The following POT1 variants were observed in gnomAD, a reference collection of about 807,000 sequenced individuals.
POT1 encodes protection of telomeres protein 1.
A neutral mutation model predicts 78.5 loss-of-function variants in POT1; 47 were observed. The ratio of observed to expected loss-of-function variants is 0.60; its 90% CI spans 0.47 to 0.76. The LOEUF is 0.76. POT1 is among the 30% of genes least tolerant of loss of function. POT1 has a pLI of 0.00. For missense variants in POT1, 646 were observed against 749.9 expected (o/e 0.86, Z 1.62); for synonymous variants, 259 against 260.7 (o/e 0.99, Z 0.06).
chr7:124,847,902 C>T (rs987757107), intron 11 of POT1, among the ~76,000 whole-genome samples: 4 of 152,214 alleles, frequency 2.6e-5, no homozygotes, highest in Non-Finnish European at 4.4e-5. Flanking sequence ...CATAAGCCCA[C>T]ATTTATACTC....
At chr7:124,923,378 A>G (rs925849487) in intron 2 of POT1, among the ~76,000 whole-genome samples, 1 of 151,914 alleles carries the variant, frequency 6.6e-6, no homozygotes, top group Non-Finnish European at 1.5e-5. Context: ...GAAAATACAA[A>G]ATATATTCAA....
intron 2 of POT1, among the ~76,000 whole-genome samples, chr7:124,923,294 T>C (rs1199878050): frequency 6.6e-6 from 1 of 151,666 alleles, no homozygotes; most frequent in Non-Finnish European, 1.5e-5. Context: ...TGTTTATGAA[T>C]GAGAGATTTA....
chr7:124,883,830 T>C (rs970901672), intron 6 of POT1, among the ~76,000 whole-genome samples: 12 of 151,716 alleles, frequency 7.9e-5, no homozygotes, highest in Non-Finnish European at 1.6e-4. Context: ...AATTGAAAAA[T>C]AGATTAAATA....
At chr7:124,913,181 A>G (rs148042016) in intron 3 of POT1, among the ~76,000 whole-genome samples, 6 of 152,298 alleles carry the variant, frequency 3.9e-5, no homozygotes, top group African/African-American at 1.4e-4. Context: ...GGTTCCTCCC[A>G]TGACACATGG....
At chr7:124,926,044 A>G (rs1243176804) in intron 2 of POT1, among the ~76,000 whole-genome samples, 2 of 152,166 alleles carry the variant, frequency 1.3e-5, no homozygotes, top group Non-Finnish European at 1.5e-5. Context: ...ATATTGGTTT[A>G]GGCAAACAAT....
At chr7:124,909,167 T>A (rs1290095733) in intron 3 of POT1, among the ~76,000 whole-genome samples, 1 of 151,878 alleles carries the variant, frequency 6.6e-6, no homozygotes, top group African/African-American at 2.4e-5. Context: ...CAGAATACTT[T>A]GGAAAAGTCT....
intron 3 of POT1, among the ~76,000 whole-genome samples, chr7:124,903,872 A>G (rs1307249957): frequency 6.6e-6 from 1 of 152,250 alleles, no homozygotes; most frequent in African/African-American, 2.4e-5. Context: ...AACTGCCATC[A>G]GAGAATACTA....
At chr7:124,827,683 T>C (rs922814150) in intron 16 of POT1, among the ~76,000 whole-genome samples, 1 of 152,192 alleles carries the variant, frequency 6.6e-6, no homozygotes. Context: ...TATACCTACA[T>C]AGGGAGAATA....
At chr7:124,874,892 AG>A (rs1362958691) in intron 6 of POT1, among the ~76,000 whole-genome samples, 1 of 151,900 alleles carries the variant, frequency 6.6e-6, no homozygotes, top group Non-Finnish European at 1.5e-5. Context: ...GAAAGAAAGG[AG>A]GGTAGAAAAA....
intron 14 of POT1, among the ~76,000 whole-genome samples, chr7:124,836,876 G>T (rs925327031): frequency 6.6e-6 from 1 of 152,186 alleles, no homozygotes; most frequent in Non-Finnish European, 1.5e-5. Flanking sequence ...GAACTTTGTT[G>T]TGTTTGCTAC....
chr7:124,859,159 C>T (rs767508196), intron 8 of POT1, 47 bp from the exon 9 acceptor site: 31 of 1,410,444 alleles, frequency 2.2e-5, no homozygotes, highest in Non-Finnish European at 2.9e-5. Context: ...TGAAAAAATG[C>T]TTGTGCTAAA....
At chr7:124,850,730 T>C (rs1795285267) in intron 11 of POT1, among the ~76,000 whole-genome samples, 1 of 150,130 alleles carries the variant, frequency 6.7e-6, no homozygotes, top group African/African-American at 2.5e-5. Flanking sequence ...AGACTCTGTC[T>C]CAAAAAAAAA....
chr7:124,823,056 AG>A lies in POT1; in HGVS notation c.*905del. On this transcript the variant is annotated 3_prime_UTR_variant, in exon 19 of 19. Transcript: ENST00000357628. The stretch of plus-strand genomic sequence containing the variant: ...TAGCTTTTACAAACTGTGTGAACTT[AG>A]TCAAGTCAGCTTATCAATCAAGCCT... 1 of 153,868 alleles carries A rather than the reference AG, an allele frequency of 6.5e-6. No homozygotes were observed. The highest frequency in any genetic ancestry group is 1.9e-4 in the East Asian group (1 of 5,266). The allele number at this position is 153,868 out of a possible 1,614,324, so 9.5% of individuals were successfully genotyped here.
rs375290868 is a variant in POT1 at position 124,835,447 on chromosome 7, T to G, written c.1370-33A>C. On this transcript the variant is annotated intron_variant, in intron 14 of 18. Coordinates refer to ENST00000357628, the MANE Select transcript of POT1 (RefSeq NM_015450.3). ...GAGAATAAATAAATCCTTCAAGTAG[T>G]GCAAATAAAATGTAGACAAGTACAG... is the stretch of plus-strand genomic sequence containing the variant. 1.4e-5 allele frequency: 23 copies of G among 1,601,572 alleles called. No homozygotes were observed. In the African/African-American group the frequency reaches 3.1e-4, roughly 22 times the overall value.
At chr7:124,901,900 T>C (rs546002399) in intron 3 of POT1, among the ~76,000 whole-genome samples, 1 of 152,206 alleles carries the variant, frequency 6.6e-6, no homozygotes, top group African/African-American at 2.4e-5. Flanking sequence ...AGTAGTTGAT[T>C]GGATCAAGTG....
chr7:124,823,935 T>G lies in POT1; in HGVS notation c.*27A>C, dbSNP rs1356053900. The G allele has an allele frequency of 7.0e-7, 1 of 1,435,894 alleles. No individual in the cohort carries two copies. The highest frequency in any genetic ancestry group is 2.3e-5 in the East Asian group (1 of 43,758). The allele number at this position is 1,435,894 out of a possible 1,614,324, so 88.9% of individuals were successfully genotyped here. A position where few individuals can be genotyped will look rare whatever the true frequency, so the allele number is the denominator to read the frequency against. On this transcript the variant is annotated 3_prime_UTR_variant, in exon 19 of 19. Coordinates refer to ENST00000357628, the MANE Select transcript of POT1 (RefSeq NM_015450.3). The stretch of plus-strand genomic sequence containing the variant: ...AACAGGGAAGGTGAGTGGCAACATT[T>G]TATGTATGCTAAATTGGATGGCAAT...
chr7:124,851,988 ACAAAGTCAATAT>A (rs1795320482), intron 10 of POT1, 37 bp from the exon 11 acceptor site: 1 of 1,395,580 alleles, frequency 7.2e-7, no homozygotes. Context: ...ATTGCATAAA[ACAAAGTCAATAT>A]AGTAAATTTA....
chr7:124,915,362 T>C (rs1356100520), intron 3 of POT1, among the ~76,000 whole-genome samples: 2 of 152,164 alleles, frequency 1.3e-5, no homozygotes, highest in African/African-American at 4.8e-5. Context: ...AGTACATCTA[T>C]GTAACATGTT....
chr7:124,898,069 C>T (rs1796536203), intron 4 of POT1, among the ~76,000 whole-genome samples, 192 bp downstream of exon 4: 1 of 151,686 alleles, frequency 6.6e-6, no homozygotes, highest in Admixed American at 6.6e-5. Context: ...AAGGAATTCC[C>T]TATTCTATCT....
Sources: gnomAD v4.1 joint callset for allele counts (sites outside exome capture counted in the v4.1 genomes callset) on GRCh38, gnomAD v4.1.1 for gene constraint, MANE v1.5 for transcripts, NCBI Gene and HGNC (gene_info 2026-07-23, HGNC 2026-07-21) for gene names.